The following CSNK1D variants were observed in gnomAD, a reference collection of about 807,000 sequenced individuals.
The protein encoded by CSNK1D is casein kinase 1 delta.
CSNK1D carries 16 observed loss-of-function variants against 46.6 expected under a neutral mutation model. The observed-to-expected ratio is 0.34, with a 90% CI of 0.23 to 0.52. The LOEUF is 0.52. Among genes scored for constraint, CSNK1D ranks in the 20% least tolerant of loss-of-function variants. CSNK1D has a pLI of 0.95. For synonymous variants in CSNK1D, 276 were observed against 228.2 expected (o/e 1.21, Z -1.89); for missense variants, 398 against 578.4 (o/e 0.69, Z 3.20).
At position 82,252,699 on chromosome 17, in the gene CSNK1D, G is replaced by C. The variant is rs571027844; in HGVS notation, c.566-95C>G. On this transcript the variant is annotated intron_variant, in intron 4 of 8. Transcript: ENST00000314028. The surrounding 1 kb of genome is among the most constrained non-coding windows in gnomAD (Gnocchi z 4.6). The stretch of plus-strand genomic sequence containing the variant: ...GCCGTTCCAGTGGAGACTAGCCTCA[G>C]ACACACATGCCCAGATCACTCCAGC... 1 of 1,265,482 alleles carries C rather than the reference G, an allele frequency of 7.9e-7. No individual in the cohort carries two copies. Among genetic ancestry groups the C allele is most frequent in the African/African-American group, 1.5e-5 (1 of 67,628 alleles). 78.4% of individuals were successfully genotyped at this position (1,265,482 alleles called of 1,614,324 possible). A position where few individuals can be genotyped will look rare whatever the true frequency, so the allele number is the denominator to read the frequency against.
chr17:82,267,059 CAAAAAAAAAAAAA>C (rs975298692), intron 1 of CSNK1D: 1 of 51,126 alleles, frequency 2.0e-5, no homozygotes, highest in African/African-American at 6.9e-5. Flanking sequence ...GACACCGTCT[CAAAAAAAAAAAAA>C]AAAAAAAAAG....
rs201710093 is a variant in CSNK1D, at chr17:82,253,131, G to A, written c.450C>T (p.Phe150=). The part of the protein sequence containing the change: ...KKGNLVYIID[F]GLAKKYRDAR... ...CATCCCGGTACTTCTTGGCCAGCCC[G>A]AAGTCGATGATGTACACCAGGTTGC... The change falls in exon 4 of 9, where the codon TTC becomes TTT. Residue 150 remains phenylalanine, a synonymous_variant. Coordinates refer to ENST00000314028, the MANE Select transcript of CSNK1D (RefSeq NM_001893.6). 5.9e-5 allele frequency: 96 copies of A among 1,614,094 alleles called. No homozygotes were observed. The highest frequency in any genetic ancestry group is 7.3e-5 in the Non-Finnish European group (86 of 1,180,032).
intron 2 of CSNK1D, among the ~76,000 whole-genome samples, chr17:82,263,200 A>G (rs1568578937): frequency 6.6e-6 from 1 of 152,144 alleles, no homozygotes; most frequent in Non-Finnish European, 1.5e-5. Flanking sequence ...CAAAAAACAA[A>G]AAACAAAAAC....
intron 8 of CSNK1D, chr17:82,246,215 T>C (rs2050846700): frequency 2.0e-6 from 3 of 1,510,598 alleles, no homozygotes; most frequent in South Asian, 1.2e-5. Flanking sequence ...GACGGGCCTC[T>C]GGATGAGAGT....
intron 3 of CSNK1D, 26 bp from the exon 4 acceptor site, chr17:82,253,270 T>C (rs1325787047): frequency 2.6e-5 from 42 of 1,587,716 alleles, no homozygotes; most frequent in Non-Finnish European, 2.8e-5. Context: ...GGGCGCGAGA[T>C]GGCACCCCAG....
In CSNK1D at chr17:82,243,477, C is replaced by A. The variant is rs556565820; in HGVS notation, c.*1304G>T. ...CAGCAGCATGGAGCCTGGGGCAGCA[C>A]CAGCTCACGGAGGCCACCTGCCTTC... On this transcript the variant is annotated 3_prime_UTR_variant, in exon 9 of 9. Coordinates refer to ENST00000314028, the MANE Select transcript of CSNK1D (RefSeq NM_001893.6). 2 of 985,556 alleles carry A rather than the reference C, an allele frequency of 2.0e-6. No homozygotes were observed. The highest frequency in any genetic ancestry group is 1.2e-6 in the Non-Finnish European group (1 of 829,992). 61.1% of individuals were successfully genotyped at this position (985,556 alleles called of 1,614,324 possible). A position where few individuals can be genotyped will look rare whatever the true frequency, so the allele number is the denominator to read the frequency against.
At position 82,244,287 on chromosome 17, in the gene CSNK1D, C is replaced by T; in HGVS notation, c.*494G>A. On this transcript the variant is annotated 3_prime_UTR_variant, in exon 9 of 9. Transcript: ENST00000314028. ...ACCTCATACACTAACTCCAAGCCAGCCTGTCTCAGAATTCCTTAGTCAACA... is the reference window on the plus strand; with the variant it reads ...ACCTCATACACTAACTCCAAGCCAGTCTGTCTCAGAATTCCTTAGTCAACA... The T allele has an allele frequency of 9.0e-7, 1 of 1,105,930 alleles. No homozygotes were observed. The highest frequency in any genetic ancestry group is 1.1e-6 in the Non-Finnish European group (1 of 899,466). The allele number at this position is 1,105,930 out of a possible 1,614,324, so 68.5% of individuals were successfully genotyped here.
rs200753422 is a variant in CSNK1D at position 82,251,362 on chromosome 17, C to T, written c.885+17G>A. ...CCGCACACCACACTCAGCGAACGTG[C>T]TGGCAGTGCGACTTACAAATTTGAG... On this transcript the variant is annotated intron_variant, in intron 6 of 8. Transcript: ENST00000314028. The surrounding 1 kb of genome is among the most constrained non-coding windows in gnomAD (Gnocchi z 4.5). 93 of 1,613,964 alleles carry T rather than the reference C, an allele frequency of 5.8e-5. No individual in the cohort carries two copies. The African/African-American group carries it at 1.2e-3, about 21-fold the overall frequency.
At chr17:82,259,436 G>T (rs1415826107) in intron 2 of CSNK1D, among the ~76,000 whole-genome samples, 2 of 152,230 alleles carry the variant, frequency 1.3e-5, no homozygotes, top group Non-Finnish European at 2.9e-5. Context: ...GGCTGAGGAT[G>T]ATGTGGGTTA....
downstream of CSNK1D, chr17:82,240,234 A>G: frequency 2.4e-6 from 1 of 422,342 alleles, no homozygotes; most frequent in Non-Finnish European, 4.0e-6. Context: ...CAGCAGTTGC[A>G]GGGATCAAGG....
intron 8 of CSNK1D, chr17:82,245,236 C>T (rs2050819765): frequency 2.9e-6 from 1 of 350,820 alleles, no homozygotes; most frequent in Admixed American, 4.2e-5. Context: ...AAAACTGCAG[C>T]GGGTCTCCCA....
In CSNK1D at chr17:82,248,511, C is replaced by T. The variant is rs746796345; in HGVS notation, c.1197+364G>A. ...TGAGGAAGAATGAGGAAGGCTCCCTCGGGCTGGGGGCACCCACAATGGGGC... is the reference window on the plus strand; with the variant it reads ...TGAGGAAGAATGAGGAAGGCTCCCTTGGGCTGGGGGCACCCACAATGGGGC... On this transcript the variant is annotated intron_variant, in intron 8 of 8. Coordinates refer to ENST00000314028, the MANE Select transcript of CSNK1D (RefSeq NM_001893.6). The surrounding 1 kb of genome is among the most constrained non-coding windows in gnomAD (Gnocchi z 4.1). 7 of 1,114,590 alleles carry T rather than the reference C, an allele frequency of 6.3e-6. No individual in the cohort carries two copies. The highest frequency in any genetic ancestry group is 2.3e-5 in the South Asian group (1 of 43,504). 69.0% of individuals were successfully genotyped at this position (1,114,590 alleles called of 1,614,324 possible).
At chr17:82,239,892 G>C (rs1053392098), downstream of CSNK1D, 9 of 831,774 alleles carry the variant, frequency 1.1e-5, no homozygotes, top group Non-Finnish European at 1.3e-5. Context: ...GCTTGGGCTT[G>C]TCCTGGACAC....
chr17:82,260,587 C>CTGACTGATGGTGTACTGAGTGACG lies in CSNK1D; in HGVS notation c.188-5034_188-5011dup, dbSNP rs76091900. Among the ~76,000 whole-genome samples, 115 of 141,228 alleles carry CTGACTGATGGTGTACTGAGTGACG rather than the reference C, an allele frequency of 8.1e-4. 3 individuals are homozygous for CTGACTGATGGTGTACTGAGTGACG. The highest frequency in any genetic ancestry group is 3.0e-3 in the African/African-American group (108 of 36,554). 92.7% of individuals were successfully genotyped at this position (141,228 alleles called of 152,430 possible). A position where few individuals can be genotyped will look rare whatever the true frequency, so the allele number is the denominator to read the frequency against. ...ACTGAGTGATGGGACTGATGGTGTA[C>CTGACTGATGGTGTACTGAGTGACG]TGACTGATGGTGTACTGAGTGACGT... On this transcript the variant is annotated intron_variant, in intron 2 of 8. Transcript: ENST00000314028.
rs188706444 is a variant in CSNK1D, at chr17:82,250,840, G to A, written c.885+539C>T. 69 of 173,510 alleles carry A rather than the reference G, an allele frequency of 4.0e-4. No individual in the cohort carries two copies. The highest frequency in any genetic ancestry group is 2.0e-3 in the Admixed American group (37 of 18,546). 10.7% of individuals were successfully genotyped at this position (173,510 alleles called of 1,614,324 possible). ...CCACAGGAGCTTCATTTCTGACAGCGGTGTCTGAAAAGTAATTCAGCTCAG... is the reference window on the plus strand; with the variant it reads ...CCACAGGAGCTTCATTTCTGACAGCAGTGTCTGAAAAGTAATTCAGCTCAG... On this transcript the variant is annotated intron_variant, in intron 6 of 8. Coordinates refer to ENST00000314028, the MANE Select transcript of CSNK1D (RefSeq NM_001893.6). The surrounding 1 kb of genome is among the most constrained non-coding windows in gnomAD (Gnocchi z 4.6).
chr17:82,263,195 A>T (rs1486745761), intron 2 of CSNK1D, among the ~76,000 whole-genome samples: 3 of 152,162 alleles, frequency 2.0e-5, no homozygotes, highest in African/African-American at 7.2e-5. Context: ...AAAAACAAAA[A>T]ACAAAAAACA....
chr17:82,268,690 C>G (rs2051540624), intron 1 of CSNK1D, among the ~76,000 whole-genome samples: 2 of 152,192 alleles, frequency 1.3e-5, no homozygotes, highest in Admixed American at 1.3e-4. Flanking sequence ...TTCCCTGCAG[C>G]TCAACAATCC....
chr17:82,247,654 A>G, intron 8 of CSNK1D: 3 of 985,464 alleles, frequency 3.0e-6, no homozygotes, highest in Non-Finnish European at 3.6e-6. Flanking sequence ...CGCAAGTGCC[A>G]GGCTCGTGGA....
rs1599583226 is a variant in CSNK1D, at chr17:82,249,807, TCCC to T, written c.886-208_886-206del. 4.2e-6 allele frequency: 6 copies of T among 1,435,232 alleles called. No individual in the cohort carries two copies. Among genetic ancestry groups the T allele is most frequent in the South Asian group, 3.0e-5 (2 of 67,528 alleles). The allele number at this position is 1,435,232 out of a possible 1,614,324, so 88.9% of individuals were successfully genotyped here. A position where few individuals can be genotyped will look rare whatever the true frequency, so the allele number is the denominator to read the frequency against. On this transcript the variant is annotated intron_variant, in intron 6 of 8. Transcript: ENST00000314028. This position sits in a 1 kb window ranked among gnomAD's most constrained non-coding sequence, Gnocchi z 6.7. Reference sequence around the variant, plus strand: ...AGGGGTCAGAGCCAGGCCTCTCAGCTCCCCCAACAATCGAAAAAACCCCACTCG... The same window carrying T: ...AGGGGTCAGAGCCAGGCCTCTCAGCTCCAACAATCGAAAAAACCCCACTCG...
Sources: gnomAD v4.1 joint callset for allele counts (sites outside exome capture counted in the v4.1 genomes callset) on GRCh38, gnomAD v4.1.1 for gene constraint, Gnocchi (gnomAD v3.1) non-coding constraint, MANE v1.5 for transcripts, NCBI Gene and HGNC (gene_info 2026-07-23, HGNC 2026-07-21) for gene names.